The following MORN1 variants were observed in gnomAD, a reference collection of about 807,000 sequenced individuals.
The protein encoded by MORN1 is MORN repeat-containing protein 1.
MORN1 carries 67 observed loss-of-function variants against 61.9 expected under a neutral mutation model. The ratio of observed to expected loss-of-function variants is 1.08; its 90% CI spans 0.89 to 1.33. MORN1 has a LOEUF of 1.33. Among genes scored for constraint, MORN1 ranks in the 40% most tolerant of loss-of-function variants. The pLI, the probability that MORN1 is intolerant of heterozygous loss-of-function variation, is 0.00. For synonymous variants in MORN1, 301 were observed against 292.0 expected (o/e 1.03, Z -0.31); for missense variants, 752 against 691.2 (o/e 1.09, Z -0.99).
intron 6 of MORN1, 131 bp downstream of exon 6, chr1:2,384,847 C>T (rs1001447805): frequency 3.6e-5 from 26 of 725,072 alleles, no homozygotes; most frequent in Middle Eastern, 4.1e-4. Flanking sequence ...TCTTCCCACA[C>T]GGGATCAGGG....
chr1:2,373,389 C>T (rs1642163824), intron 7 of MORN1, among the ~76,000 whole-genome samples: 1 of 152,248 alleles, frequency 6.6e-6, no homozygotes, highest in East Asian at 1.9e-4. Flanking sequence ...CAGAGCCCAC[C>T]TTGGCTCGGA....
At chr1:2,378,969 C>T (rs751839887) in intron 6 of MORN1, 3 of 467,284 alleles carry the variant, frequency 6.4e-6, no homozygotes, top group South Asian at 3.1e-5. Context: ...TCTTATTTTC[C>T]GTCAGAAGAA....
chr1:2,355,574 G>T, intron 10 of MORN1: 1 of 1,246,642 alleles, frequency 8.0e-7, no homozygotes, highest in Non-Finnish European at 1.1e-6. Context: ...GGTGGCGGAG[G>T]CTCTTCCCAG....
chr1:2,356,034 T>C (rs1262791595), intron 10 of MORN1, among the ~76,000 whole-genome samples: 2 of 151,240 alleles, frequency 1.3e-5, no homozygotes, highest in African/African-American at 2.4e-5. Context: ...GCCTGGAGGG[T>C]TGGAGTTGGG....
chr1:2,341,524 C>G (rs1185420131), intron 10 of MORN1, among the ~76,000 whole-genome samples: 1 of 152,060 alleles, frequency 6.6e-6, no homozygotes, highest in Non-Finnish European at 1.5e-5. Context: ...AACCCCGTCT[C>G]TACTAAAAAT....
rs142433202 is a variant in MORN1 at position 2,388,281 on chromosome 1, C to T, written c.205G>A (p.Gly69Arg). The change falls in exon 3 of 14, where the codon GGA becomes AGA. Residue 69 changes from glycine to arginine, a missense_variant. By Grantham distance (125) the Gly-to-Arg change is moderately radical. Coordinates refer to ENST00000378531, the MANE Select transcript of MORN1 (RefSeq NM_024848.3). ...GSYYEGAFVD[G>R]EITGEGRRHW... ...CGGCGGCCTTCTCCCGTGATCTCTC[C>T]GTCCACAAACGCCCCTTCGTAATAA... is the stretch of plus-strand genomic sequence containing the variant. 172 of 1,613,978 alleles carry T rather than the reference C, an allele frequency of 1.1e-4. No individual in the cohort carries two copies. Among genetic ancestry groups the T allele is most frequent in the Middle Eastern group, 9.9e-4 (6 of 6,060 alleles).
chr1:2,355,302 G>A (rs1277084960), intron 10 of MORN1: 1 of 1,463,842 alleles, frequency 6.8e-7, no homozygotes, highest in Non-Finnish European at 9.1e-7. Flanking sequence ...CTGTTGGCCT[G>A]AGGCTTGGCC....
intron 10 of MORN1, chr1:2,355,174 G>A (rs968343249): frequency 9.3e-6 from 11 of 1,185,276 alleles, no homozygotes; most frequent in African/African-American, 8.0e-5. Flanking sequence ...AAGGCATGGC[G>A]CCCAGTAAGT....
At chr1:2,329,463 C>G (rs1641101889) in intron 12 of MORN1, among the ~76,000 whole-genome samples, 1 of 152,224 alleles carries the variant, frequency 6.6e-6, no homozygotes, top group South Asian at 2.1e-4. Flanking sequence ...TGCAGCCGAT[C>G]CCATTGTCCT....
At chr1:2,322,574 T>TC (rs1640906772) in intron 13 of MORN1, 2 of 982,240 alleles carry the variant, frequency 2.0e-6, no homozygotes, top group Non-Finnish European at 2.4e-6. Flanking sequence ...AAAACACGGT[T>TC]CTGGGGGGCC....
In MORN1 at chr1:2,334,493, G is replaced by A. The variant is rs966893736; in HGVS notation, c.1250+1976C>T. Among the ~76,000 whole-genome samples, 1 of 152,220 alleles carries A rather than the reference G, an allele frequency of 6.6e-6. No individual in the cohort carries two copies. The highest frequency in any genetic ancestry group is 1.5e-5 in the Non-Finnish European group (1 of 68,040). On this transcript the variant is annotated intron_variant, in intron 12 of 13. Transcript: ENST00000378531. The surrounding 1 kb of genome is among the most constrained non-coding windows in gnomAD (Gnocchi z 5.4). ...CCCAGGGTTTCCGCACCCAGAAGAC[G>A]TAGTAAGGCCAGCTGCATGGAGAGG...
chr1:2,324,776 G>C (rs932169983), intron 12 of MORN1, among the ~76,000 whole-genome samples: 3 of 152,086 alleles, frequency 2.0e-5, no homozygotes, highest in Non-Finnish European at 2.9e-5. Flanking sequence ...GCAGTCTCTG[G>C]GGGGGCCCAC....
intron 10 of MORN1, among the ~76,000 whole-genome samples, chr1:2,348,689 A>G (rs1182689333): frequency 2.2e-5 from 3 of 134,376 alleles, no homozygotes; most frequent in Non-Finnish European, 5.2e-5. Flanking sequence ...GCAGGCACGC[A>G]CACACACGCA....
intron 12 of MORN1, 136 bp downstream of exon 12, chr1:2,336,333 G>C (rs560446730): frequency 1.2e-6 from 1 of 805,504 alleles, no homozygotes. Context: ...TCTCTGGAGC[G>C]AGGCCCGTGT....
chr1:2,330,178 C>T (rs1033782084), intron 12 of MORN1, among the ~76,000 whole-genome samples: 4 of 152,332 alleles, frequency 2.6e-5, no homozygotes, highest in African/African-American at 7.2e-5. Flanking sequence ...GCCAGGCCTG[C>T]CCCTAACTGG....
At chr1:2,340,079 C>T (rs1641361455) in intron 10 of MORN1, among the ~76,000 whole-genome samples, 1 of 152,218 alleles carries the variant, frequency 6.6e-6, no homozygotes, top group South Asian at 2.1e-4. Context: ...CCCCACTTGT[C>T]CCCCGGTGTC....
chr1:2,383,866 C>T (rs906119108), intron 6 of MORN1, among the ~76,000 whole-genome samples: 2 of 152,306 alleles, frequency 1.3e-5, no homozygotes, highest in East Asian at 3.9e-4. Context: ...AGCACCCCCA[C>T]ACTGTGGACC....
At position 2,357,355 on chromosome 1, in the gene MORN1, T is replaced by C. The variant is rs1641797951; in HGVS notation, c.1036+77A>G. ...GCTCCTGCTCTGGCCTGGTTCTGGGTCCCCATGACCCCACCCCCACCTTGA... is the reference window on the plus strand; with the variant it reads ...GCTCCTGCTCTGGCCTGGTTCTGGGCCCCCATGACCCCACCCCCACCTTGA... On this transcript the variant is annotated intron_variant, in intron 10 of 13. Transcript: ENST00000378531. This position sits in a 1 kb window ranked among gnomAD's most constrained non-coding sequence, Gnocchi z 6.3. 6.7e-7 allele frequency: 1 copy of C among 1,485,572 alleles called. No homozygotes were observed. Among genetic ancestry groups the C allele is most frequent in the Non-Finnish European group, 9.1e-7 (1 of 1,102,910 alleles). 92.0% of individuals were successfully genotyped at this position (1,485,572 alleles called of 1,614,324 possible).
rs1553208711 is a variant in MORN1 at position 2,335,828 on chromosome 1, T to TAGCCCAGCCCGGCCCAGCCC, written c.1250+640_1250+641insGGGCTGGGCCGGGCTGGGCT. 2.7e-4 allele frequency among the ~76,000 whole-genome samples: 38 copies of TAGCCCAGCCCGGCCCAGCCC among 143,014 alleles called. 2 individuals carry two copies. Among genetic ancestry groups the TAGCCCAGCCCGGCCCAGCCC allele is most frequent in the African/African-American group, 1.1e-3 (35 of 32,826 alleles). 93.8% of individuals were successfully genotyped at this position (143,014 alleles called of 152,430 possible). A position where few individuals can be genotyped will look rare whatever the true frequency, so the allele number is the denominator to read the frequency against. ...ATCAGCGGGGGCCTCCTCGCCTCCA[T>TAGCCCAGCCCGGCCCAGCCC]AGCCCAGCCCAGCCCAGCGCGCAGC... On this transcript the variant is annotated intron_variant, in intron 12 of 13. Transcript: ENST00000378531.
Sources: allele counts gnomAD v4.1 joint callset (sites outside exome capture counted in the v4.1 genomes callset), GRCh38; gene constraint gnomAD v4.1.1; non-coding constraint Gnocchi (gnomAD v3.1); transcripts MANE v1.5; gene names NCBI Gene and HGNC (gene_info 2026-07-23, HGNC 2026-07-21).